RUSC2: variants seen among roughly 807,000 people sequenced by gnomAD.
RUSC2 encodes the protein AP-4 complex accessory subunit RUSC2.
Under a neutral mutation model 122.2 loss-of-function variants are expected in RUSC2, and 34 were observed. The observed-to-expected ratio is 0.28, with a 90% confidence interval of 0.21 to 0.37. RUSC2 has a LOEUF of 0.37. RUSC2 is among the 10% of genes least tolerant of loss of function. RUSC2 has a pLI of 1.00. For missense variants in RUSC2, 1,747 were observed against 1,952.4 expected (o/e 0.89, Z 1.98); for synonymous variants, 784 against 790.0 (o/e 0.99, Z 0.13).
chr9:35,500,347 C>T (rs182576896), intron 1 of RUSC2, among the ~76,000 whole-genome samples: 1 of 152,264 alleles, frequency 6.6e-6, no homozygotes, highest in East Asian at 1.9e-4. Context: ...TTTGCAACCA[C>T]AAGAACAGCA....
chr9:35,529,577 A>G (rs192116879), intron 1 of RUSC2, among the ~76,000 whole-genome samples: 149 of 150,346 alleles, frequency 9.9e-4, no homozygotes, highest in African/African-American at 3.5e-3. Flanking sequence ...AATGTTTATG[A>G]TGGCATTTTT....
chr9:35,514,948 G>A (rs78834101), intron 1 of RUSC2, among the ~76,000 whole-genome samples: 40 of 152,232 alleles, frequency 2.6e-4, no homozygotes, highest in African/African-American at 8.9e-4. Flanking sequence ...ACCATAACTC[G>A]GTCAAATGGC....
In RUSC2 at chr9:35,498,321, G is replaced by T. The variant is rs544676202; in HGVS notation, c.-93+8149G>T. ...TGGGAGGCTGAGGCAGGCAGATCAC[G>T]TGAGATCAGGAGTTTGAGACCAGCC... On this transcript the variant is annotated intron_variant, in intron 1 of 11. Transcript: ENST00000361226. Among the ~76,000 whole-genome samples, 3 of 151,906 alleles carry T rather than the reference G, an allele frequency of 2.0e-5. No individual in the cohort carries two copies. The South Asian group carries it at 6.2e-4, about 32-fold the overall frequency.
chr9:35,527,845 T>C (rs938250272), intron 1 of RUSC2, among the ~76,000 whole-genome samples: 3 of 152,256 alleles, frequency 2.0e-5, no homozygotes, highest in Non-Finnish European at 4.4e-5. Flanking sequence ...CCATGGATCA[T>C]GATGAACTTC....
intron 1 of RUSC2, among the ~76,000 whole-genome samples, chr9:35,491,449 T>G (rs1205894078): frequency 2.6e-5 from 4 of 152,230 alleles, no homozygotes; most frequent in Admixed American, 2.6e-4. Context: ...CTGTTAGTTA[T>G]GCCCGTCCTG....
Position 35,555,984 on chromosome 9 carries a change from C to A in RUSC2, c.2689C>A (p.Arg897=). 1 of 1,614,172 alleles carries A rather than the reference C, an allele frequency of 6.2e-7. No individual in the cohort carries two copies. Among genetic ancestry groups the A allele is most frequent in the Non-Finnish European group, 8.5e-7 (1 of 1,180,002 alleles). Residue 897 remains arginine (R), a synonymous_variant, in exon 4 of 12, where the codon CGG becomes AGG. Coordinates refer to ENST00000361226, the MANE Select transcript of RUSC2 (RefSeq NM_014806.5). The surrounding 1 kb of genome is among the most constrained non-coding windows in gnomAD (Gnocchi z 4.6). ...NHLSPQALKW[R]EYRRKNPLGP... Reference sequence around the variant, plus strand: ...CCTATCCCCTCAAGCCCTCAAGTGGCGGGAATACAGGAGGAAGAACCCACT... The same window carrying A: ...CCTATCCCCTCAAGCCCTCAAGTGGAGGGAATACAGGAGGAAGAACCCACT...
At chr9:35,513,494 C>T (rs950726882) in intron 1 of RUSC2, among the ~76,000 whole-genome samples, 1 of 151,860 alleles carries the variant, frequency 6.6e-6, no homozygotes, top group African/African-American at 2.4e-5. Context: ...CCACCTGCCT[C>T]AGCCTCTCCA....
chr9:35,512,591 G>A (rs1821028674), intron 1 of RUSC2, among the ~76,000 whole-genome samples: 1 of 152,092 alleles, frequency 6.6e-6, no homozygotes, highest in Admixed American at 6.6e-5. Context: ...GATCCCAGAT[G>A]GCCCAAAAGA....
chr9:35,561,123 G>A (rs1822155103), intron 11 of RUSC2, 26 bp downstream of exon 11: 1 of 1,613,538 alleles, frequency 6.2e-7, no homozygotes, highest in African/African-American at 1.3e-5. Context: ...CGGAAGGGCT[G>A]AGGGGGGCGG....
At chr9:35,528,328 G>T (rs933202759) in intron 1 of RUSC2, among the ~76,000 whole-genome samples, 1 of 151,780 alleles carries the variant, frequency 6.6e-6, no homozygotes, top group Non-Finnish European at 1.5e-5. Context: ...AGGTTGCAGC[G>T]GGCTATGATT....
Position 35,561,171 on chromosome 9 carries a change from GT to G in RUSC2, c.4350-7del. On this transcript the variant is annotated splice_polypyrimidine_tract_variant and intron_variant, in intron 11 of 11. Transcript: ENST00000361226. ...GGGGTTTCTCTGACCTCCATGTGCTGTTTCCCCAGTGAGGTGCAGGCACTGT... is the reference window on the plus strand; with the variant it reads ...GGGGTTTCTCTGACCTCCATGTGCTGTTCCCCAGTGAGGTGCAGGCACTGT... 6.2e-7 allele frequency: 1 copy of G among 1,613,898 alleles called. No individual in the cohort carries two copies. Among genetic ancestry groups the G allele is most frequent in the East Asian group, 2.2e-5 (1 of 44,886 alleles).
intron 2 of RUSC2, among the ~76,000 whole-genome samples, chr9:35,550,363 T>C (rs1197852114): frequency 1.3e-5 from 2 of 151,622 alleles, no homozygotes; most frequent in African/African-American, 4.9e-5. Flanking sequence ...TGGTGACTCA[T>C]ACCTATAGTC....
At position 35,560,546 on chromosome 9, in the gene RUSC2, AAAG is replaced by A. The variant is rs760758485; in HGVS notation, c.3909_3911del (p.Lys1304del). ...GTAGCAGCAACAGCAGCAGCGAGAA[AAAG>A]AAAGGGGCAGGAGGTGGGGGACCTC... On this transcript the variant is annotated inframe_deletion, in exon 10 of 12. Coordinates refer to ENST00000361226, the MANE Select transcript of RUSC2 (RefSeq NM_014806.5). The A allele has an allele frequency of 4.2e-5, 68 of 1,613,986 alleles. No individual in the cohort carries two copies. The highest frequency in any genetic ancestry group is 5.6e-5 in the Non-Finnish European group (66 of 1,180,014).
intron 1 of RUSC2, among the ~76,000 whole-genome samples, chr9:35,515,304 A>G (rs1821082655): frequency 2.6e-5 from 4 of 152,128 alleles, no homozygotes. Context: ...TATGCATTTG[A>G]CCTGAATCAC....
chr9:35,560,575 C>T lies in RUSC2; in HGVS notation c.3935C>T (p.Pro1312Leu). The T allele has an allele frequency of 1.2e-6, 2 of 1,614,026 alleles. No individual in the cohort carries two copies. Among genetic ancestry groups the T allele is most frequent in the Non-Finnish European group, 1.7e-6 (2 of 1,179,942 alleles). Residue 1312 changes from proline to leucine, a missense_variant, in exon 10 of 12, where the codon CCC becomes CTC. By Grantham distance (98) the Pro-to-Leu change is moderately conservative. Transcript: ENST00000361226. ...AAAGGGGCAGGAGGTGGGGGACCTC[C>T]CCAGGCTCCACCACCCCGAGAGGGA... ...KKKGAGGGGPPQAPPPREGVV... is the reference protein window; with the variant it reads ...KKKGAGGGGPLQAPPPREGVV...
In RUSC2 at chr9:35,546,729, C is replaced by G; in HGVS notation, c.208C>G (p.Leu70Val). The change falls in exon 2 of 12, where the codon CTG becomes GTG. Residue 70 changes from leucine to valine, a missense_variant. Physicochemically the swap from Leu to Val is conservative, Grantham distance 32. Transcript: ENST00000361226. This position sits in a 1 kb window ranked among gnomAD's most constrained non-coding sequence, Gnocchi z 4.3. ...GQADSLLFSS[L>V]HSTPGGTARS... ...AGCTGACTCCCTGCTATTCAGCAGC[C>G]TGCACTCTACTCCAGGAGGAACTGC... 6.4e-7 allele frequency: 1 copy of G among 1,572,060 alleles called. No homozygotes were observed. Among genetic ancestry groups the G allele is most frequent in the Non-Finnish European group, 8.6e-7 (1 of 1,160,002 alleles).
At position 35,560,354 on chromosome 9, in the gene RUSC2, AGAAGAG is replaced by A. The variant is rs145749994; in HGVS notation, c.3726_3731del (p.Glu1245_Glu1246del). The A allele has an allele frequency of 3.5e-3, 5,658 of 1,612,284 alleles. 96 individuals carry two copies. The African/African-American group carries it at 0.042, about 12-fold the overall frequency. On this transcript the variant is annotated inframe_deletion, in exon 10 of 12. Transcript: ENST00000361226. ...AGGGTGTGGGTGCCTCAGAAGGTGG[AGAAGAG>A]GAAGAGGAAGAAGAGGAGACAGAAG...
intron 1 of RUSC2, among the ~76,000 whole-genome samples, chr9:35,534,707 T>C (rs909064509): frequency 1.3e-5 from 2 of 152,168 alleles, no homozygotes; most frequent in Admixed American, 6.5e-5. Flanking sequence ...GGTCTCGAAC[T>C]CCTGACCTGA....
At chr9:35,492,120 C>T (rs1820579723) in intron 1 of RUSC2, among the ~76,000 whole-genome samples, 1 of 152,018 alleles carries the variant, frequency 6.6e-6, no homozygotes, top group Non-Finnish European at 1.5e-5. Flanking sequence ...ACCTCAGTTA[C>T]CCCAGAACAC....
Sources: allele counts gnomAD v4.1 joint callset (sites outside exome capture counted in the v4.1 genomes callset), GRCh38; gene constraint gnomAD v4.1.1; non-coding constraint Gnocchi (gnomAD v3.1); transcripts MANE v1.5; gene names NCBI Gene and HGNC (gene_info 2026-07-23, HGNC 2026-07-21).